Variants in METAP1D observed in about 807,000 individuals in gnomAD.
METAP1D encodes the protein methionine aminopeptidase 1D, mitochondrial.
In METAP1D, 31 loss-of-function variants were observed where a neutral mutation model predicts 40.5. That is an observed-to-expected ratio of 0.77 (90% CI 0.58 to 1.03). METAP1D has a LOEUF of 1.03. METAP1D is among the 50% of genes least tolerant of loss of function. The probability of loss-of-function intolerance (pLI) is 0.00; values close to 1 mark genes in which losing one functional copy is unlikely to be tolerated. For missense variants in METAP1D, 411 were observed against 420.7 expected (o/e 0.98, Z 0.20); for synonymous variants, 151 against 146.4 (o/e 1.03, Z -0.22).
At chr2:172,046,321 T>TTGTG (rs1216872512) in intron 1 of METAP1D, among the ~76,000 whole-genome samples, 2 of 152,162 alleles carry the variant, frequency 1.3e-5, no homozygotes, top group African/African-American at 4.8e-5. Flanking sequence ...GAAAATACTG[T>TTGTG]TGACCCATTT....
At chr2:172,078,244 C>G (rs1450554852) in intron 7 of METAP1D, among the ~76,000 whole-genome samples, 1 of 152,234 alleles carries the variant, frequency 6.6e-6, no homozygotes, top group Non-Finnish European at 1.5e-5. Flanking sequence ...ATGACTGTTT[C>G]TGTTTTTCTT....
At chr2:172,074,513 A>G (rs925869169) in intron 6 of METAP1D, among the ~76,000 whole-genome samples, 8 of 152,170 alleles carry the variant, frequency 5.3e-5, no homozygotes, top group African/African-American at 1.9e-4. Context: ...TTTTATTTCA[A>G]TCCATCATGT....
At chr2:172,009,127 A>G (rs1046047543) in intron 1 of METAP1D, among the ~76,000 whole-genome samples, 1 of 148,100 alleles carries the variant, frequency 6.8e-6, no homozygotes, top group Admixed American at 6.8e-5. Context: ...TGCAAACTCC[A>G]CCTCCCGGGT....
Position 172,081,587 on chromosome 2 carries a change from T to G in METAP1D, c.*1181T>G, listed in dbSNP as rs788160. ...GCGCTTGCTCTCCGGTACCTGTTCCTCACCTGAGCTCAAGGGCAGGGAGAG... is the reference window on the plus strand; with the variant it reads ...GCGCTTGCTCTCCGGTACCTGTTCCGCACCTGAGCTCAAGGGCAGGGAGAG... On this transcript the variant is annotated 3_prime_UTR_variant, in exon 10 of 10. Transcript: ENST00000315796. 125,967 of 152,192 alleles carry G rather than the reference T, an allele frequency of 0.83. 52,199 individuals carry two copies. Among genetic ancestry groups the G allele is most frequent in the East Asian group, 0.9 (4,630 of 5,162 alleles). The allele number at this position is 152,192 out of a possible 1,614,324, so 9.4% of individuals were successfully genotyped here.
chr2:172,045,823 A>ATG (rs1689747943), intron 1 of METAP1D, among the ~76,000 whole-genome samples: 6 of 45,022 alleles, frequency 1.3e-4, no homozygotes, highest in Admixed American at 6.7e-4. Flanking sequence ...GTGTGTGTAT[A>ATG]TATATATATA....
chr2:172,033,358 T>C (rs1689284882), intron 1 of METAP1D, among the ~76,000 whole-genome samples: 1 of 140,018 alleles, frequency 7.1e-6, no homozygotes, highest in Admixed American at 7.0e-5. Context: ...ATTTGTTTAA[T>C]TTTTTTTTTT....
chr2:172,027,992 A>T (rs1254515936), intron 1 of METAP1D, among the ~76,000 whole-genome samples: 5 of 152,214 alleles, frequency 3.3e-5, no homozygotes, highest in Non-Finnish European at 7.3e-5. Context: ...GAGGGATTAA[A>T]TGTGCTAGGT....
intron 1 of METAP1D, among the ~76,000 whole-genome samples, chr2:172,031,830 C>G (rs948827057): frequency 2.0e-5 from 3 of 152,200 alleles, no homozygotes; most frequent in African/African-American, 7.2e-5. Context: ...TAAAGCCCTA[C>G]GTCGTTGACT....
chr2:172,051,544 T>C (rs1221683745), intron 1 of METAP1D, among the ~76,000 whole-genome samples: 2 of 152,204 alleles, frequency 1.3e-5, no homozygotes, highest in African/African-American at 4.8e-5. Context: ...TAATTTTATT[T>C]AAAGGAGGAG....
At chr2:172,036,652 AC>A (rs1267157266) in intron 1 of METAP1D, among the ~76,000 whole-genome samples, 1 of 151,740 alleles carries the variant, frequency 6.6e-6, no homozygotes, top group East Asian at 2.0e-4. Context: ...GGCGTGAGCC[AC>A]CGCACCCGGC....
At chr2:172,041,886 C>T (rs1338266584) in intron 1 of METAP1D, among the ~76,000 whole-genome samples, 1 of 115,566 alleles carries the variant, frequency 8.7e-6, no homozygotes, top group African/African-American at 2.8e-5. Flanking sequence ...CTGCAACCTC[C>T]GCCTCCCACA....
rs145164337 is a variant in METAP1D at position 172,063,666 on chromosome 2, C to T, written c.199-45C>T. 4.5e-4 allele frequency: 655 copies of T among 1,449,372 alleles called. 3 individuals carry two copies. In the East Asian group the frequency reaches 0.013, roughly 28 times the overall value. The allele number at this position is 1,449,372 out of a possible 1,614,324, so 89.8% of individuals were successfully genotyped here. On this transcript the variant is annotated intron_variant, in intron 2 of 9. Transcript: ENST00000315796. ...GTGTCTGAAAAAATGATCCCATTGT[C>T]GTGCGCTGGGTTCTGATCTTCGTTT...
chr2:172,050,396 T>A (rs1164828680), intron 1 of METAP1D, among the ~76,000 whole-genome samples: 1 of 152,080 alleles, frequency 6.6e-6, no homozygotes, highest in African/African-American at 2.4e-5. Context: ...GTCTGGAGGT[T>A]TTTTTAAGAA....
Position 172,001,619 on chromosome 2 carries a change from G to A in METAP1D, c.40+1610G>A, listed in dbSNP as rs917366200. The stretch of plus-strand genomic sequence containing the variant: ...TTAGAGAGGAAGAAGGTTGGTAATC[G>A]AATAGACTTCAGTATTTCAGTGTTA... On this transcript the variant is annotated intron_variant, in intron 1 of 9. Coordinates refer to ENST00000315796, the MANE Select transcript of METAP1D (RefSeq NM_199227.3). Among the ~76,000 whole-genome samples the A allele has an allele frequency of 1.2e-4, 19 of 152,180 alleles. 1 individual carries two copies. In the Middle Eastern group the frequency reaches 0.01, roughly 82 times the overall value.
At chr2:172,024,095 G>A (rs1032095470) in intron 1 of METAP1D, among the ~76,000 whole-genome samples, 2 of 152,054 alleles carry the variant, frequency 1.3e-5, no homozygotes, top group East Asian at 1.9e-4. Flanking sequence ...TCCTGACCTC[G>A]TGATCCGCTC....
intron 1 of METAP1D, among the ~76,000 whole-genome samples, chr2:172,012,522 A>G (rs765639810): frequency 2.0e-5 from 3 of 152,208 alleles, no homozygotes; most frequent in Non-Finnish European, 4.4e-5. Context: ...GTCACTGGTC[A>G]CTTTTACCAA....
At chr2:172,078,732 G>A (rs1690617338) in intron 7 of METAP1D, among the ~76,000 whole-genome samples, 1 of 152,202 alleles carries the variant, frequency 6.6e-6, no homozygotes, top group Non-Finnish European at 1.5e-5. Context: ...TGTCAGCCTT[G>A]TGCCCTACCT....
chr2:172,044,159 C>A (rs1689678821), intron 1 of METAP1D, among the ~76,000 whole-genome samples: 1 of 133,620 alleles, frequency 7.5e-6, no homozygotes. Flanking sequence ...AATTTTGTGG[C>A]CAAAAACACT....
At chr2:172,036,441 A>C (rs555926517) in intron 1 of METAP1D, among the ~76,000 whole-genome samples, 9 of 148,024 alleles carry the variant, frequency 6.1e-5, no homozygotes, top group South Asian at 2.2e-4. Context: ...TCTTGGCTCA[A>C]TGCAAGCTCC....
Sources: allele counts gnomAD v4.1 joint callset (sites outside exome capture counted in the v4.1 genomes callset), GRCh38; gene constraint gnomAD v4.1.1; transcripts MANE v1.5; gene names NCBI Gene and HGNC (gene_info 2026-07-23, HGNC 2026-07-21).